ZNF354B: variants seen among roughly 807,000 people sequenced by gnomAD.
ZNF354B encodes zinc finger protein 354B.
Under a neutral mutation model 12.9 loss-of-function variants are expected in ZNF354B, and 10 were observed. That is an observed-to-expected ratio of 0.77 (90% confidence interval 0.48 to 1.31). The LOEUF is 1.31. ZNF354B is among the 40% of genes most tolerant of loss of function. ZNF354B has a pLI of 0.00. For missense variants in ZNF354B, 614 were observed against 711.7 expected, an observed-to-expected ratio of 0.86 and a Z score of 1.56; for synonymous variants, 260 against 243.7, an observed-to-expected ratio of 1.07 and a Z score of -0.62.
At chr5:178,865,423 A>G (rs903197196) in intron 2 of ZNF354B, among the ~76,000 whole-genome samples, 2 of 152,046 alleles carry the variant, frequency 1.3e-5, no homozygotes, top group African/African-American at 4.8e-5. Flanking sequence ...GCATACCACC[A>G]TGCCTGGTTA....
chr5:178,867,344 A>G (rs1420469256), intron 4 of ZNF354B, among the ~76,000 whole-genome samples: 1 of 152,210 alleles, frequency 6.6e-6, no homozygotes, highest in African/African-American at 2.4e-5. Flanking sequence ...TATTTAAGGA[A>G]CTTCAAATAA....
rs1408688805 is a variant in ZNF354B at position 178,883,546 on chromosome 5, C to G, written c.1094C>G (p.Ser365Cys). 1 of 1,613,922 alleles carries G rather than the reference C, an allele frequency of 6.2e-7. No homozygotes were observed. The highest frequency in any genetic ancestry group is 1.1e-5 in the South Asian group (1 of 91,068). ...LCNECGNTFK[S>C]SSSLRYHQRI... Reference sequence around the variant, plus strand: ...AATGAATGTGGCAACACCTTTAAGTCTAGCTCATCCCTTCGTTATCATCAG... The same window carrying G: ...AATGAATGTGGCAACACCTTTAAGTGTAGCTCATCCCTTCGTTATCATCAG... Residue 365 changes from serine (S) to cysteine (C), a missense_variant, in exon 5 of 5, where the codon TCT becomes TGT. By Grantham distance (112) the Ser-to-Cys change is moderately radical (BLOSUM62 -1). Transcript: ENST00000322434.
chr5:178,881,430 T>C (rs1369121267), intron 4 of ZNF354B, among the ~76,000 whole-genome samples: 1 of 152,220 alleles, frequency 6.6e-6, no homozygotes. Context: ...CTGACATTTG[T>C]ATAATGTTAT....
chr5:178,860,792 A>T, intron 1 of ZNF354B: 1 of 459,308 alleles, frequency 2.2e-6, no homozygotes, highest in East Asian at 5.6e-5. Flanking sequence ...CTGCGGGTCC[A>T]GCGTCCCCTC....
At chr5:178,863,875 ATAAAAT>A (rs911297385) in intron 2 of ZNF354B, among the ~76,000 whole-genome samples, 13 of 152,238 alleles carry the variant, frequency 8.5e-5, no homozygotes, top group African/African-American at 2.4e-4. Context: ...TAAAGTAAAA[ATAAAAT>A]TAAAAGCTTT....
intron 4 of ZNF354B, among the ~76,000 whole-genome samples, chr5:178,868,154 G>T (rs1203080093): frequency 2.0e-5 from 3 of 151,492 alleles, no homozygotes; most frequent in Non-Finnish European, 2.9e-5. Flanking sequence ...GAACCCTGGT[G>T]GGCAGGTGTG....
At chr5:178,860,428 C>T (rs1757328381) in intron 1 of ZNF354B, among the ~76,000 whole-genome samples, 1 of 152,006 alleles carries the variant, frequency 6.6e-6, no homozygotes, top group Non-Finnish European at 1.5e-5. Context: ...GAGCGCAGGG[C>T]AGAGGCAGCC....
intron 4 of ZNF354B, among the ~76,000 whole-genome samples, chr5:178,871,022 C>T (rs1184133183): frequency 6.6e-6 from 1 of 152,160 alleles, no homozygotes; most frequent in African/African-American, 2.4e-5. Flanking sequence ...AAGACTCGTA[C>T]ATATGCCCTG....
chr5:178,873,821 C>T (rs1757596528), intron 4 of ZNF354B, among the ~76,000 whole-genome samples: 2 of 152,216 alleles, frequency 1.3e-5, no homozygotes, highest in African/African-American at 4.8e-5. Flanking sequence ...TTGCAGTAAA[C>T]CTGTATATCA....
intron 4 of ZNF354B, among the ~76,000 whole-genome samples, chr5:178,869,189 C>T (rs1757516762): frequency 6.6e-6 from 1 of 152,170 alleles, no homozygotes; most frequent in Non-Finnish European, 1.5e-5. Flanking sequence ...CTGACCGCCA[C>T]AGTGCAGGGC....
intron 2 of ZNF354B, among the ~76,000 whole-genome samples, chr5:178,861,451 A>T (rs896836340): frequency 6.6e-6 from 1 of 152,142 alleles, no homozygotes; most frequent in Non-Finnish European, 1.5e-5. Flanking sequence ...ACCCCTGAGA[A>T]TCCTCATAAC....
intron 2 of ZNF354B, among the ~76,000 whole-genome samples, 198 bp from the exon 3 acceptor site, chr5:178,866,046 G>C (rs1224044175): frequency 6.6e-6 from 1 of 152,214 alleles, no homozygotes; most frequent in Non-Finnish European, 1.5e-5. Context: ...TACAGTGGCT[G>C]CACTAGGCCT....
At chr5:178,873,555 T>C (rs777065546) in intron 4 of ZNF354B, among the ~76,000 whole-genome samples, 1 of 151,950 alleles carries the variant, frequency 6.6e-6, no homozygotes, top group Non-Finnish European at 1.5e-5. Context: ...CGGAGTTCTT[T>C]GGTGCCTTTG....
intron 4 of ZNF354B, among the ~76,000 whole-genome samples, chr5:178,878,996 C>T (rs549926678): frequency 1.3e-5 from 2 of 151,714 alleles, no homozygotes; most frequent in Non-Finnish European, 2.9e-5. Context: ...CCACCACACC[C>T]GGCTGAAAGT....
At position 178,867,061 on chromosome 5, in the gene ZNF354B, C is replaced by A. The variant is rs971259473; in HGVS notation, c.246C>A (p.Val82=). 1 of 1,612,956 alleles carries A rather than the reference C, an allele frequency of 6.2e-7. No homozygotes were observed. The highest frequency in any genetic ancestry group is 8.5e-7 in the Non-Finnish European group (1 of 1,179,804). Residue 82 remains valine, a synonymous_variant, in exon 4 of 5, where the codon GTC becomes GTA. Coordinates refer to ENST00000322434, the MANE Select transcript of ZNF354B (RefSeq NM_058230.3). ...PWEVEKDSSG[V]SSLGCKSTPK... ...AGGTGGAGAAAGACAGTTCTGGTGT[C>A]TCCTCTCTAGGTAAGTGGGTGGCCC...
intron 4 of ZNF354B, 81 bp from the exon 5 acceptor site, chr5:178,882,628 T>TA: frequency 7.1e-7 from 1 of 1,398,672 alleles, no homozygotes; most frequent in Admixed American, 2.7e-5. Context: ...CTTACTGAGA[T>TA]ACAATTAATC....
At chr5:178,869,919 T>C (rs1757536318) in intron 4 of ZNF354B, among the ~76,000 whole-genome samples, 1 of 152,180 alleles carries the variant, frequency 6.6e-6, no homozygotes, top group Non-Finnish European at 1.5e-5. Flanking sequence ...CCAGGACAGC[T>C]TCCTTTTCCC....
intron 4 of ZNF354B, among the ~76,000 whole-genome samples, chr5:178,879,902 T>A (rs1449625022): frequency 6.6e-6 from 1 of 151,406 alleles, no homozygotes; most frequent in African/African-American, 2.4e-5. Context: ...CCAAGGTGGG[T>A]GGATCACGAG....
intron 2 of ZNF354B, among the ~76,000 whole-genome samples, chr5:178,865,100 T>A (rs1050481121): frequency 8.5e-5 from 13 of 152,222 alleles, no homozygotes; most frequent in African/African-American, 3.1e-4. Context: ...GAACCTTTAA[T>A]GTGAGCCCGA....
Sources: allele counts gnomAD v4.1 joint callset (sites outside exome capture counted in the v4.1 genomes callset), GRCh38; gene constraint gnomAD v4.1.1; transcripts MANE v1.5; gene names NCBI Gene and HGNC (gene_info 2026-07-23, HGNC 2026-07-21).